The following GABRR3 variants were observed in gnomAD, a reference collection of about 807,000 sequenced individuals.
GABRR3 encodes gamma-aminobutyric acid type A receptor subunit rho3, also known as gamma-aminobutyric acid receptor subunit rho-3.
A neutral mutation model predicts 43.2 loss-of-function variants in GABRR3; 29 were observed. That is an observed-to-expected ratio of 0.67 (90% CI 0.50 to 0.92). The LOEUF (loss-of-function observed/expected upper bound fraction) is 0.92, where lower values mean the gene tolerates loss of function less well. Ranked by LOEUF, GABRR3 falls within the 40% of genes least tolerant of loss-of-function variation. The pLI, the probability that GABRR3 is intolerant of heterozygous loss-of-function variation, is 0.00. For missense variants in GABRR3, 576 were observed against 572.3 expected (o/e 1.01, Z -0.07); for synonymous variants, 206 against 195.9 (o/e 1.05, Z -0.43).
At chr3:98,017,812 G>A (rs1235714596) in intron 3 of GABRR3, 90 bp from the exon 4 acceptor site, 3 of 868,452 alleles carry the variant, frequency 3.5e-6, no homozygotes, top group Non-Finnish European at 5.3e-6. Flanking sequence ...CTCTTGGACA[G>A]CAACTGAATT....
chr3:97,991,271 A>C (rs1413731647), intron 9 of GABRR3, among the ~76,000 whole-genome samples: 2 of 152,216 alleles, frequency 1.3e-5, no homozygotes, highest in Non-Finnish European at 2.9e-5. Flanking sequence ...TTCACAGACT[A>C]TCCAAATCAT....
chr3:98,023,993 C>T (rs968294533), intron 3 of GABRR3, among the ~76,000 whole-genome samples: 1 of 152,150 alleles, frequency 6.6e-6, no homozygotes, highest in African/African-American at 2.4e-5. Context: ...GTAAGCTGTG[C>T]CTTCAGAACC....
At chr3:98,011,860 C>A (rs1706796553) in intron 5 of GABRR3, among the ~76,000 whole-genome samples, 1 of 152,112 alleles carries the variant, frequency 6.6e-6, no homozygotes, top group South Asian at 2.1e-4. Context: ...ACTGTTATAG[C>A]AAAGTGTTGG....
intron 3 of GABRR3, among the ~76,000 whole-genome samples, chr3:98,020,482 GAA>G (rs1209493201): frequency 8.4e-6 from 1 of 119,476 alleles, no homozygotes; most frequent in Non-Finnish European, 1.8e-5. Flanking sequence ...AAAAGGAAAA[GAA>G]AAAGATACAG....
chr3:98,026,912 G>A (rs1559781721), intron 2 of GABRR3, among the ~76,000 whole-genome samples: 1 of 152,064 alleles, frequency 6.6e-6, no homozygotes, highest in African/African-American at 2.4e-5. Flanking sequence ...TCTTTCAATA[G>A]GGAAGTTTCT....
rs1040589818 is a variant in GABRR3 at position 98,013,672 on chromosome 3, A to C, written c.307-1105T>G. On this transcript the variant is annotated intron_variant, in intron 4 of 9. Transcript: ENST00000621172. ...ATGAGCTAGTTTGTCCTAGGTTCAG[A>C]ATAGAGCTATACTGATTTATGGCTC... 3.3e-5 allele frequency among the ~76,000 whole-genome samples: 5 copies of C among 152,348 alleles called. No individual in the cohort carries two copies. In the East Asian group the frequency reaches 7.7e-4, roughly 23 times the overall value.
chr3:98,017,864 A>T, intron 3 of GABRR3, 142 bp from the exon 4 acceptor site: 1 of 589,316 alleles, frequency 1.7e-6, no homozygotes, highest in Non-Finnish European at 3.0e-6. Context: ...TCCATTATTC[A>T]TTGAATCAGT....
intron 3 of GABRR3, among the ~76,000 whole-genome samples, chr3:98,024,710 G>T (rs1559781126): frequency 6.6e-6 from 1 of 152,154 alleles, no homozygotes; most frequent in Admixed American, 6.5e-5. Flanking sequence ...AAAGTTGTCA[G>T]TTCAGGAATT....
At chr3:98,029,035 A>T (rs1232846684) in intron 2 of GABRR3, among the ~76,000 whole-genome samples, 1 of 152,176 alleles carries the variant, frequency 6.6e-6, no homozygotes, top group Non-Finnish European at 1.5e-5. Flanking sequence ...CTAGAAAAAA[A>T]AAATGATTTC....
intron 9 of GABRR3, among the ~76,000 whole-genome samples, chr3:97,992,587 A>AG (rs1408417882): frequency 2.0e-5 from 3 of 152,134 alleles, no homozygotes; most frequent in Admixed American, 6.5e-5. Context: ...TTTTATTCAA[A>AG]GGGTACAGTT....
At chr3:97,985,865 T>A (rs915343964), downstream of GABRR3, among the ~76,000 whole-genome samples, 2,050 of 150,556 alleles carry the variant, frequency 0.014, 17 homozygotes, top group Non-Finnish European at 0.022. Flanking sequence ...ATATATTTTT[T>A]TTTATTTTAT....
chr3:98,005,068 C>G (rs1706707735), intron 7 of GABRR3, among the ~76,000 whole-genome samples: 1 of 151,960 alleles, frequency 6.6e-6, no homozygotes, highest in Non-Finnish European at 1.5e-5. Context: ...TTGAATACAA[C>G]TTCCAAAATG....
chr3:98,024,790 C>A (rs1706991359), intron 3 of GABRR3, among the ~76,000 whole-genome samples: 1 of 152,198 alleles, frequency 6.6e-6, no homozygotes. Context: ...GAGAGTTTAA[C>A]CTGATGATTT....
intron 2 of GABRR3, 151 bp downstream of exon 2, chr3:98,034,712 A>G (rs545983117): frequency 3.5e-6 from 3 of 865,046 alleles, no homozygotes; most frequent in South Asian, 4.2e-5. Context: ...GAGGTGATTT[A>G]TGATGATGCA....
chr3:97,993,154 T>A (rs1706493764), intron 8 of GABRR3, 106 bp from the exon 9 acceptor site: 3 of 812,400 alleles, frequency 3.7e-6, no homozygotes, highest in African/African-American at 3.4e-5. Flanking sequence ...ATCAACCTGG[T>A]GATCCAAGAG....
intron 2 of GABRR3, among the ~76,000 whole-genome samples, chr3:98,032,063 CATAGTATAGT>C (rs63090761): frequency 0.12 from 16,385 of 140,316 alleles, 1,023 homozygotes; most frequent in South Asian, 0.16. Flanking sequence ...GTGTCTAGCA[CATAGTATAGT>C]ATAGTATAGT....
intron 7 of GABRR3, among the ~76,000 whole-genome samples, chr3:98,006,685 G>A (rs1433977085): frequency 1.3e-5 from 2 of 152,172 alleles, no homozygotes; most frequent in African/African-American, 4.8e-5. Flanking sequence ...GCCTAAGCAT[G>A]GCTGCATTGA....
downstream of GABRR3, among the ~76,000 whole-genome samples, chr3:97,985,682 T>C (rs1333488487): frequency 6.6e-6 from 1 of 152,126 alleles, no homozygotes; most frequent in Non-Finnish European, 1.5e-5. Flanking sequence ...ACAAAGTGAT[T>C]AATTAAAAAC....
chr3:98,033,836 G>A (rs957962288), intron 2 of GABRR3, among the ~76,000 whole-genome samples: 1 of 152,190 alleles, frequency 6.6e-6, no homozygotes, highest in Admixed American at 6.5e-5. Flanking sequence ...GCATGGAAGG[G>A]AAGTGTGAGC....
Sources: allele counts gnomAD v4.1 joint callset (sites outside exome capture counted in the v4.1 genomes callset), GRCh38; gene constraint gnomAD v4.1.1; transcripts MANE v1.5; gene names NCBI Gene and HGNC (gene_info 2026-07-23, HGNC 2026-07-21).